The following RHO variants were observed in gnomAD, a reference collection of about 807,000 sequenced individuals.
RHO encodes the protein opsin 2, rod pigment.
RHO carries 21 observed loss-of-function variants against 31.2 expected under a neutral mutation model. The observed-to-expected ratio is 0.67, with a 90% CI of 0.48 to 0.97. The LOEUF (loss-of-function observed/expected upper bound fraction) is 0.97. Among genes scored for constraint, RHO ranks in the 50% least tolerant of loss-of-function variants. RHO has a pLI of 0.00. For synonymous variants in RHO, 211 were observed against 196.6 expected, an observed-to-expected ratio of 1.07 and a Z score of -0.61; for missense variants, 414 against 479.5, an observed-to-expected ratio of 0.86 and a Z score of 1.28.
In RHO at chr3:129,532,667, C is replaced by A. The variant is rs947228214; in HGVS notation, c.831C>A (p.Thr277=). 17 of 1,614,248 alleles carry A rather than the reference C, an allele frequency of 1.1e-5. No individual in the cohort carries two copies. Among genetic ancestry groups the A allele is most frequent in the Non-Finnish European group, 1.4e-5 (16 of 1,180,042 alleles). ...CCAGCGTGGCATTCTACATCTTCAC[C>A]CACCAGGGCTCCAACTTCGGTCCCA... ...PYASVAFYIF[T]HQGSNFGPIF... Residue 277 remains threonine (T), a synonymous_variant, in exon 4 of 5, where the codon ACC becomes ACA. Coordinates refer to ENST00000296271, the MANE Select transcript of RHO (RefSeq NM_000539.3). This position sits in a 1 kb window ranked among gnomAD's most constrained non-coding sequence, Gnocchi z 5.5.
chr3:129,534,060 A>C lies in RHO; in HGVS notation c.*342A>C. 1 of 299,404 alleles carries C rather than the reference A, an allele frequency of 3.3e-6. No homozygotes were observed. The allele number at this position is 299,404 out of a possible 1,614,324, so 18.5% of individuals were successfully genotyped here. On this transcript the variant is annotated 3_prime_UTR_variant, in exon 5 of 5. Coordinates refer to ENST00000296271, the MANE Select transcript of RHO (RefSeq NM_000539.3). ...CTTAGGGATAAGTGTCTAGCACAGA[A>C]TGGGGCACACAGTAGGTGCTTAATA...
rs1472077837 is a variant in RHO at position 129,532,484 on chromosome 3, C to T, written c.697-49C>T. The T allele has an allele frequency of 6.2e-7, 1 of 1,613,864 alleles. No homozygotes were observed. On this transcript the variant is annotated intron_variant, in intron 3 of 4. Coordinates refer to ENST00000296271, the MANE Select transcript of RHO (RefSeq NM_000539.3). This position sits in a 1 kb window ranked among gnomAD's most constrained non-coding sequence, Gnocchi z 5.5. ...AGCCCCCAGCATGCATCTGCGGCTC[C>T]TGCTCCCTGGAGGAGCCATGGTCTG...
Position 129,533,769 on chromosome 3 carries a change from C to A in RHO, c.*51C>A, listed in dbSNP as rs751311620. The A allele has an allele frequency of 7.9e-7, 1 of 1,260,108 alleles. No individual in the cohort carries two copies. Among genetic ancestry groups the A allele is most frequent in the Admixed American group, 1.7e-5 (1 of 59,516 alleles). The allele number at this position is 1,260,108 out of a possible 1,614,324, so 78.1% of individuals were successfully genotyped here. A position where few individuals can be genotyped will look rare whatever the true frequency, so the allele number is the denominator to read the frequency against. On this transcript the variant is annotated 3_prime_UTR_variant, in exon 5 of 5. Transcript: ENST00000296271. ...CTATAGGCGTCTCCCATCCCCTACA[C>A]CTTCCCCCAGCCACAGCCATCCCAC...
chr3:129,530,237 GTTGA>G (rs1471957665), intron 1 of RHO, among the ~76,000 whole-genome samples: 1 of 152,122 alleles, frequency 6.6e-6, no homozygotes, highest in African/African-American at 2.4e-5. Flanking sequence ...TCCCAGTTTG[GTTGA>G]TTAACTATAT....
chr3:129,531,214 G>A (rs2084778090), intron 2 of RHO, among the ~76,000 whole-genome samples, 170 bp downstream of exon 2: 2 of 152,188 alleles, frequency 1.3e-5, no homozygotes, highest in Admixed American at 6.5e-5. Flanking sequence ...AGACTCTAAT[G>A]TTGCTACAAG....
At position 129,529,063 on chromosome 3, in the gene RHO, C is replaced by T. The variant is rs2108749332; in HGVS notation, c.330C>T (p.Cys110=). ...HGYFVFGPTG[C]NLEGFFATLG... is the part of the protein sequence containing the mutation. ...ACTTCGTCTTCGGGCCCACAGGATG[C>T]AATTTGGAGGGCTTCTTTGCCACCC... Residue 110 remains cysteine, a synonymous_variant, in exon 1 of 5, where the codon TGC becomes TGT. Transcript: ENST00000296271. 1.2e-6 allele frequency: 2 copies of T among 1,613,364 alleles called. No individual in the cohort carries two copies. Among genetic ancestry groups the T allele is most frequent in the South Asian group, 1.1e-5 (1 of 91,072 alleles).
chr3:129,532,313 TCAA>T lies in RHO; in HGVS notation c.598_600del (p.Asn200del), dbSNP rs756162630. On this transcript the variant is annotated inframe_deletion, in exon 3 of 5. Transcript: ENST00000296271. This position sits in a 1 kb window ranked among gnomAD's most constrained non-coding sequence, Gnocchi z 5.5. ...GACTACTACACGCTCAAGCCGGAGG[TCAA>T]CAACGAGTCTTTTGTCATCTACATG... is the stretch of plus-strand genomic sequence containing the variant. 13 of 1,613,674 alleles carry T rather than the reference TCAA, an allele frequency of 8.1e-6. No individual in the cohort carries two copies. In the Admixed American group the frequency reaches 8.3e-5, roughly 10 times the overall value.
rs1348719352 is a variant in RHO at position 129,533,767 on chromosome 3, C to T, written c.*49C>T. On this transcript the variant is annotated 3_prime_UTR_variant, in exon 5 of 5. Transcript: ENST00000296271. ...GACTATAGGCGTCTCCCATCCCCTA[C>T]ACCTTCCCCCAGCCACAGCCATCCC... 4.8e-6 allele frequency: 6 copies of T among 1,261,412 alleles called. No homozygotes were observed. The South Asian group carries it at 7.1e-5, about 15-fold the overall frequency. 78.1% of individuals were successfully genotyped at this position (1,261,412 alleles called of 1,614,324 possible). A position where few individuals can be genotyped will look rare whatever the true frequency, so the allele number is the denominator to read the frequency against.
chr3:129,529,652 T>C (rs1203121815), intron 1 of RHO, among the ~76,000 whole-genome samples: 1 of 152,152 alleles, frequency 6.6e-6, no homozygotes, highest in East Asian at 1.9e-4. Flanking sequence ...ATCCTCTGCC[T>C]CCCCTCTCAG....
chr3:129,531,073 C>A, intron 2 of RHO, 29 bp downstream of exon 2: 1 of 1,608,704 alleles, frequency 6.2e-7, no homozygotes, highest in Non-Finnish European at 8.5e-7. Context: ...AGGGAAGAAG[C>A]TCCGGGGGCT....
In RHO at chr3:129,533,832, AG is replaced by A. The variant is rs1278192906; in HGVS notation, c.*116del. ...CTGTGCAGAATGAACGAAGTCACAT[AG>A]GCTCCTTAATTTTTTTTTTTTTTTT... On this transcript the variant is annotated 3_prime_UTR_variant, in exon 5 of 5. Transcript: ENST00000296271. 2 of 693,310 alleles carry A rather than the reference AG, an allele frequency of 2.9e-6. No homozygotes were observed. Among genetic ancestry groups the A allele is most frequent in the Non-Finnish European group, 4.9e-6 (2 of 407,054 alleles). 42.9% of individuals were successfully genotyped at this position (693,310 alleles called of 1,614,324 possible). A position where few individuals can be genotyped will look rare whatever the true frequency, so the allele number is the denominator to read the frequency against.
rs540632143 is a variant in RHO, at chr3:129,534,195, A to T, written c.*477A>T. On this transcript the variant is annotated 3_prime_UTR_variant, in exon 5 of 5. Coordinates refer to ENST00000296271, the MANE Select transcript of RHO (RefSeq NM_000539.3). ...AACTCATACTTGGCTAATGATATGG[A>T]GCAGTTGTTTTTCCCTCCCTGGGCC... The T allele has an allele frequency of 1.4e-3, 223 of 161,796 alleles. No individual in the cohort carries two copies. The highest frequency in any genetic ancestry group is 5.2e-3 in the African/African-American group (216 of 41,618). 10.0% of individuals were successfully genotyped at this position (161,796 alleles called of 1,614,324 possible). A position where few individuals can be genotyped will look rare whatever the true frequency, so the allele number is the denominator to read the frequency against.
chr3:129,528,642 G>T lies in RHO; in HGVS notation c.-92G>T, dbSNP rs2084754772. ...GGGTCTGGGGGGGTCAGAACCCAGA[G>T]TCATCCAGCTGGAGCCCTGAGTGGC... On this transcript the variant is annotated 5_prime_UTR_variant, in exon 1 of 5. Transcript: ENST00000296271. 3.2e-6 allele frequency: 5 copies of T among 1,571,126 alleles called. No homozygotes were observed. The highest frequency in any genetic ancestry group is 4.3e-6 in the Non-Finnish European group (5 of 1,155,092).
At chr3:129,530,316 CCTT>C (rs1444350185) in intron 1 of RHO, among the ~76,000 whole-genome samples, 2 of 152,102 alleles carry the variant, frequency 1.3e-5, no homozygotes, top group Non-Finnish European at 2.9e-5. Context: ...TCCATCATTT[CCTT>C]CTTCTTCCTC....
At position 129,532,231 on chromosome 3, in the gene RHO, C is replaced by G. The variant is rs544766619; in HGVS notation, c.531-20C>G. The G allele has an allele frequency of 6.2e-7, 1 of 1,610,540 alleles. No homozygotes were observed. Among genetic ancestry groups the G allele is most frequent in the South Asian group, 1.1e-5 (1 of 90,996 alleles). On this transcript the variant is annotated intron_variant, in intron 2 of 4. Coordinates refer to ENST00000296271, the MANE Select transcript of RHO (RefSeq NM_000539.3). The surrounding 1 kb of genome is among the most constrained non-coding windows in gnomAD (Gnocchi z 5.5). Reference sequence around the variant, plus strand: ...CCCAAGTCCCTCACAGGCAGGGTCTCCCTACCTGCCTGTCCTCAGGTACAT... The same window carrying G: ...CCCAAGTCCCTCACAGGCAGGGTCTGCCTACCTGCCTGTCCTCAGGTACAT...
intron 4 of RHO, among the ~76,000 whole-genome samples, chr3:129,533,080 C>T (rs889390884): frequency 6.6e-6 from 1 of 152,012 alleles, no homozygotes; most frequent in African/African-American, 2.4e-5. Flanking sequence ...GTCAGAAGGA[C>T]CCAAGTCGGG....
chr3:129,528,990 T>C lies in RHO; in HGVS notation c.257T>C (p.Met86Thr). The C allele has an allele frequency of 6.2e-7, 1 of 1,614,226 alleles. No individual in the cohort carries two copies. Reference sequence around the variant, plus strand: ...AACCTAGCCGTGGCTGACCTCTTCATGGTCCTAGGTGGCTTCACCAGCACC... The same window carrying C: ...AACCTAGCCGTGGCTGACCTCTTCACGGTCCTAGGTGGCTTCACCAGCACC... Reference protein sequence around the residue: ...LLNLAVADLFMVLGGFTSTLY... With the variant: ...LLNLAVADLFTVLGGFTSTLY... Residue 86 changes from methionine to threonine, a missense_variant, in exon 1 of 5, where the codon ATG becomes ACG. Physicochemically the swap from Met to Thr is moderately conservative, Grantham distance 81 (BLOSUM62 -1). Coordinates refer to ENST00000296271, the MANE Select transcript of RHO (RefSeq NM_000539.3).
Position 129,529,086 on chromosome 3 carries a change from C to T in RHO, c.353C>T (p.Thr118Ile). ...TGCAATTTGGAGGGCTTCTTTGCCACCCTGGGCGGTATGAGCCGGGTGTGG... is the reference window on the plus strand; with the variant it reads ...TGCAATTTGGAGGGCTTCTTTGCCATCCTGGGCGGTATGAGCCGGGTGTGG... Reference protein sequence around the residue: ...TGCNLEGFFATLGGEIALWSL... With the variant: ...TGCNLEGFFAILGGEIALWSL... The change falls in exon 1 of 5, where the codon ACC (threonine) becomes ATC (isoleucine). Residue 118 changes from threonine (T) to isoleucine (I), a missense_variant. Thr to Ile is a moderately conservative substitution (Grantham distance 89). Transcript: ENST00000296271. 6.2e-7 allele frequency: 1 copy of T among 1,612,468 alleles called. No homozygotes were observed. The highest frequency in any genetic ancestry group is 8.5e-7 in the Non-Finnish European group (1 of 1,179,038).
rs1207948458 is a variant in RHO, at chr3:129,532,593, A to G, written c.757A>G (p.Met253Val). ...TQKAEKEVTR[M>V]VIIMVIAFLI... is the part of the protein sequence containing the mutation. ...GAAGGCAGAGAAGGAGGTCACCCGC[A>G]TGGTCATCATCATGGTCATCGCTTT... The change falls in exon 4 of 5, where the codon ATG (methionine) becomes GTG (valine). Residue 253 changes from methionine (M) to valine (V), a missense_variant. Coordinates refer to ENST00000296271, the MANE Select transcript of RHO (RefSeq NM_000539.3). This position sits in a 1 kb window ranked among gnomAD's most constrained non-coding sequence, Gnocchi z 5.5. The G allele has an allele frequency of 6.2e-7, 1 of 1,614,166 alleles. No homozygotes were observed. Among genetic ancestry groups the G allele is most frequent in the South Asian group, 1.1e-5 (1 of 91,084 alleles).
Sources: gnomAD v4.1 joint callset for allele counts (sites outside exome capture counted in the v4.1 genomes callset) on GRCh38, gnomAD v4.1.1 for gene constraint, Gnocchi (gnomAD v3.1) non-coding constraint, MANE v1.5 for transcripts, NCBI Gene and HGNC (gene_info 2026-07-23, HGNC 2026-07-21) for gene names.